The following FIGN variants were observed in gnomAD, a reference collection of about 807,000 sequenced individuals.
The protein encoded by FIGN is fidgetin, microtubule severing factor.
A neutral mutation model predicts 51.3 loss-of-function variants in FIGN; 11 were observed. That is an observed-to-expected ratio of 0.21 (90% CI 0.13 to 0.35). The LOEUF is 0.35. Ranked by LOEUF, FIGN falls within the 10% of genes least tolerant of loss-of-function variation. FIGN has a pLI of 1.00. For missense variants in FIGN, 857 were observed against 943.6 expected, an observed-to-expected ratio of 0.91 and a Z score of 1.20; for synonymous variants, 407 against 363.2, an observed-to-expected ratio of 1.12 and a Z score of -1.37.
At chr2:163,720,295 T>C (rs936816824) in intron 2 of FIGN, among the ~76,000 whole-genome samples, 1 of 152,180 alleles carries the variant, frequency 6.6e-6, no homozygotes, top group Non-Finnish European at 1.5e-5. Flanking sequence ...GCTACATTTC[T>C]TCAAGGACAT....
chr2:163,673,649 G>A (rs1446880175), intron 2 of FIGN, among the ~76,000 whole-genome samples: 2 of 152,020 alleles, frequency 1.3e-5, no homozygotes, highest in Admixed American at 6.6e-5. Context: ...AGAAGAAAAC[G>A]GAAGCTCAGA....
chr2:163,640,939 T>G (rs1200651595), intron 2 of FIGN, among the ~76,000 whole-genome samples: 1 of 152,202 alleles, frequency 6.6e-6, no homozygotes, highest in Non-Finnish European at 1.5e-5. Flanking sequence ...CTTAACAGAC[T>G]GCTTGGCATC....
intron 2 of FIGN, among the ~76,000 whole-genome samples, chr2:163,705,733 C>T (rs1316363276): frequency 6.6e-6 from 1 of 151,608 alleles, no homozygotes. Flanking sequence ...AATGGTTTTA[C>T]TTTTCTTTCC....
chr2:163,607,142 T>C lies in FIGN; in HGVS notation c.*2410A>G, dbSNP rs1206910639. The C allele has an allele frequency of 6.6e-6, 1 of 152,142 alleles. No individual in the cohort carries two copies. Among genetic ancestry groups the C allele is most frequent in the East Asian group, 1.9e-4 (1 of 5,192 alleles). The allele number at this position is 152,142 out of a possible 1,614,324, so 9.4% of individuals were successfully genotyped here. On this transcript the variant is annotated 3_prime_UTR_variant, in exon 3 of 3. Coordinates refer to ENST00000333129, the MANE Select transcript of FIGN (RefSeq NM_018086.4). ...ACACAGCATGTTGGCGGAAATGAAA[T>C]ATAATGTCTAAAAGTCAGAAAATAG...
intron 2 of FIGN, among the ~76,000 whole-genome samples, chr2:163,614,766 A>T (rs904311658): frequency 6.6e-6 from 1 of 152,122 alleles, no homozygotes; most frequent in Admixed American, 6.6e-5. Context: ...ATAAACATAC[A>T]TAACAAATAT....
chr2:163,658,881 C>T (rs1444617733), intron 2 of FIGN, among the ~76,000 whole-genome samples: 1 of 152,206 alleles, frequency 6.6e-6, no homozygotes, highest in Admixed American at 6.5e-5. Context: ...TGAAGCAACA[C>T]TTACTAGGAG....
At chr2:163,680,772 A>G (rs569502534) in intron 2 of FIGN, among the ~76,000 whole-genome samples, 2 of 151,220 alleles carry the variant, frequency 1.3e-5, no homozygotes, top group South Asian at 4.2e-4. Flanking sequence ...ACTGTATATA[A>G]CTCTATTATA....
intron 2 of FIGN, among the ~76,000 whole-genome samples, chr2:163,656,385 A>C (rs1165199182): frequency 1.3e-5 from 2 of 152,178 alleles, no homozygotes; most frequent in African/African-American, 4.8e-5. Context: ...ATAACGAAAC[A>C]GTGAGAAAAA....
intron 2 of FIGN, among the ~76,000 whole-genome samples, chr2:163,719,631 T>A (rs1364690941): frequency 1.3e-5 from 2 of 152,254 alleles, no homozygotes; most frequent in South Asian, 2.1e-4. Flanking sequence ...TTACCAATCA[T>A]TATTTTCCAT....
intron 2 of FIGN, among the ~76,000 whole-genome samples, chr2:163,704,654 TCTCACA>T (rs1244942504): frequency 3.3e-4 from 43 of 132,032 alleles, no homozygotes; most frequent in South Asian, 5.0e-4. Context: ...TCTCTCTCTC[TCTCACA>T]CACACACACA....
chr2:163,634,953 A>G (rs1470834240), intron 2 of FIGN, among the ~76,000 whole-genome samples: 2 of 152,320 alleles, frequency 1.3e-5, no homozygotes, highest in East Asian at 1.9e-4. Context: ...TCAATAAACA[A>G]GAAAGAAAAT....
intron 2 of FIGN, among the ~76,000 whole-genome samples, chr2:163,646,680 A>T (rs988472381): frequency 7.9e-5 from 12 of 152,222 alleles, no homozygotes; most frequent in African/African-American, 2.7e-4. Context: ...TATTATAAAC[A>T]TTTGGTCAGT....
At chr2:163,676,463 AT>A (rs1683968992) in intron 2 of FIGN, among the ~76,000 whole-genome samples, 1 of 109,640 alleles carries the variant, frequency 9.1e-6, no homozygotes, top group African/African-American at 3.1e-5. Flanking sequence ...ATATATATAT[AT>A]ATATATATAT....
At chr2:163,719,798 T>C (rs1418558333) in intron 2 of FIGN, among the ~76,000 whole-genome samples, 1 of 152,180 alleles carries the variant, frequency 6.6e-6, no homozygotes, top group Non-Finnish European at 1.5e-5. Flanking sequence ...ACTAAAATTT[T>C]GAGGGATGGG....
chr2:163,691,228 C>T (rs1573953350), intron 2 of FIGN, among the ~76,000 whole-genome samples: 1 of 152,160 alleles, frequency 6.6e-6, no homozygotes, highest in Non-Finnish European at 1.5e-5. Flanking sequence ...AAAACACAGA[C>T]TGCACACTGT....
intron 2 of FIGN, among the ~76,000 whole-genome samples, chr2:163,700,522 T>C (rs1327804467): frequency 6.6e-6 from 1 of 152,084 alleles, no homozygotes; most frequent in Non-Finnish European, 1.5e-5. Context: ...TCAGCCTGGA[T>C]GAGAGAAGAT....
At chr2:163,612,628 G>A (rs1050703383) in intron 2 of FIGN, 255 of 984,122 alleles carry the variant, frequency 2.6e-4, no homozygotes, top group Non-Finnish European at 2.7e-4. Flanking sequence ...GTCTTCTAGC[G>A]TTCTCCCTCC....
intron 2 of FIGN, among the ~76,000 whole-genome samples, chr2:163,681,112 T>C (rs1684055600): frequency 6.6e-6 from 1 of 152,168 alleles, no homozygotes; most frequent in Non-Finnish European, 1.5e-5. Flanking sequence ...AGAATTCAAA[T>C]ACAAGTCGAA....
chr2:163,646,894 G>GTAAT (rs886523361), intron 2 of FIGN, among the ~76,000 whole-genome samples: 2 of 152,186 alleles, frequency 1.3e-5, no homozygotes, highest in African/African-American at 4.8e-5. Flanking sequence ...TTGAAGAAGT[G>GTAAT]TAATTATAGT....
Sources: gnomAD v4.1 joint callset for allele counts (sites outside exome capture counted in the v4.1 genomes callset) on GRCh38, gnomAD v4.1.1 for gene constraint, MANE v1.5 for transcripts, NCBI Gene and HGNC (gene_info 2026-07-23, HGNC 2026-07-21) for gene names.